ATRNL1: variants seen among roughly 807,000 people sequenced by gnomAD.
The protein encoded by ATRNL1 is attractin like 1.
In ATRNL1, 95 loss-of-function variants were observed where a neutral mutation model predicts 182.7. The ratio of observed to expected loss-of-function variants is 0.52; its 90% CI spans 0.44 to 0.62. The LOEUF is 0.62. ATRNL1 is among the 20% of genes least tolerant of loss of function. ATRNL1 has a pLI of 0.00. For synonymous variants in ATRNL1, 576 were observed against 568.3 expected (o/e 1.01, Z -0.19); for missense variants, 1,471 against 1,679.5 (o/e 0.88, Z 2.17).
rs1020410215 is a variant in ATRNL1, at chr10:115,486,103, C to T, written c.3654+16774C>T. Among the ~76,000 whole-genome samples, 9 of 151,996 alleles carry T rather than the reference C, an allele frequency of 5.9e-5. No homozygotes were observed. The East Asian group carries it at 9.6e-4, about 16-fold the overall frequency. ...TCATTTTTTATGGCTGCATAGTATT[C>T]GATGGTGTATATGTGCCACATTTTC... On this transcript the variant is annotated intron_variant, in intron 24 of 28. Transcript: ENST00000355044.
chr10:115,349,833 C>T (rs1253140912), intron 19 of ATRNL1, among the ~76,000 whole-genome samples: 3 of 151,910 alleles, frequency 2.0e-5, no homozygotes, highest in African/African-American at 7.3e-5. Context: ...TGTTTGAGCT[C>T]CTTATGTGTT....
chr10:115,291,380 G>A (rs932994481), intron 15 of ATRNL1, among the ~76,000 whole-genome samples: 32 of 152,170 alleles, frequency 2.1e-4, no homozygotes, highest in African/African-American at 6.8e-4. Context: ...GGGTATCCTT[G>A]TCTTGTTCCA....
At chr10:115,574,591 T>A (rs1555004535) in intron 26 of ATRNL1, among the ~76,000 whole-genome samples, 1 of 152,212 alleles carries the variant, frequency 6.6e-6, no homozygotes, top group African/African-American at 2.4e-5. Context: ...CTGAAATTCC[T>A]TGCTAAATGT....
At chr10:115,480,601 C>G (rs1253901368) in intron 24 of ATRNL1, among the ~76,000 whole-genome samples, 1 of 150,850 alleles carries the variant, frequency 6.6e-6, no homozygotes, top group Non-Finnish European at 1.5e-5. Flanking sequence ...AATGATATAA[C>G]AAATATGTAA....
At chr10:115,256,250 G>A (rs1851130078) in intron 10 of ATRNL1, among the ~76,000 whole-genome samples, 1 of 152,174 alleles carries the variant, frequency 6.6e-6, no homozygotes, top group Non-Finnish European at 1.5e-5. Context: ...GAATTCAGCT[G>A]TGAATCCATC....
intron 26 of ATRNL1, among the ~76,000 whole-genome samples, chr10:115,718,607 T>G (rs545085034): frequency 6.6e-6 from 1 of 152,238 alleles, no homozygotes; most frequent in Non-Finnish European, 1.5e-5. Context: ...TTGCATTATT[T>G]CTTTTATCCT....
At chr10:115,906,286 G>A (rs1288552056) in intron 28 of ATRNL1, among the ~76,000 whole-genome samples, 7 of 152,260 alleles carry the variant, frequency 4.6e-5, no homozygotes, top group Non-Finnish European at 5.9e-5. Flanking sequence ...CTGGCTTGGC[G>A]AAAGTAAAAT....
chr10:115,923,021 G>A (rs2249295), intron 28 of ATRNL1, among the ~76,000 whole-genome samples: 107,734 of 151,978 alleles, frequency 0.71, 39,975 homozygotes, highest in East Asian at 0.95. Flanking sequence ...ATGAATCAAC[G>A]TAATGTATGC....
intron 19 of ATRNL1, among the ~76,000 whole-genome samples, chr10:115,392,145 G>C (rs1844060004): frequency 6.6e-6 from 1 of 152,022 alleles, no homozygotes; most frequent in Non-Finnish European, 1.5e-5. Flanking sequence ...ATTACTAACA[G>C]TTTTACAAGC....
intron 21 of ATRNL1, among the ~76,000 whole-genome samples, chr10:115,460,352 G>A (rs1157067450): frequency 2.6e-5 from 4 of 151,636 alleles, no homozygotes; most frequent in Non-Finnish European, 4.4e-5. Context: ...AAGTTCCATC[G>A]CAGTCAAACC....
intron 20 of ATRNL1, among the ~76,000 whole-genome samples, chr10:115,400,394 A>G (rs538072518): frequency 6.6e-6 from 1 of 152,090 alleles, no homozygotes; most frequent in Non-Finnish European, 1.5e-5. Context: ...TATGCCATGC[A>G]GTGATGAGAT....
At chr10:115,341,115 G>T (rs1855734799) in intron 19 of ATRNL1, among the ~76,000 whole-genome samples, 1 of 151,644 alleles carries the variant, frequency 6.6e-6, no homozygotes, top group African/African-American at 2.4e-5. Context: ...TGCATCATTA[G>T]ATTATTTGAA....
chr10:115,809,989 T>C (rs1454049426), intron 27 of ATRNL1, among the ~76,000 whole-genome samples: 1 of 151,896 alleles, frequency 6.6e-6, no homozygotes, highest in African/African-American at 2.4e-5. Flanking sequence ...GCTGAGAAAT[T>C]TTTTTTAGGA....
intron 27 of ATRNL1, among the ~76,000 whole-genome samples, chr10:115,824,400 A>G (rs1555091337): frequency 6.6e-6 from 1 of 152,186 alleles, no homozygotes; most frequent in Non-Finnish European, 1.5e-5. Flanking sequence ...ACCAAAAGCA[A>G]TGGCAACAAA....
rs1849909249 is a variant in ATRNL1, at chr10:115,230,908, AGAGAG to A, written c.1533-10662_1533-10658del. Among the ~76,000 whole-genome samples the A allele has an allele frequency of 7.8e-3, 1,141 of 146,488 alleles. 28 individuals carry two copies. Among genetic ancestry groups the A allele is most frequent in the African/African-American group, 0.029 (1,089 of 37,994 alleles). The stretch of plus-strand genomic sequence containing the variant: ...GAGAGAGAGAGAGAGAGAGAGAGAG[AGAGAG>A]AGAGAGAGAAAGAGAGAAATAGTGA... On this transcript the variant is annotated intron_variant, in intron 9 of 28. Coordinates refer to ENST00000355044, the MANE Select transcript of ATRNL1 (RefSeq NM_207303.4).
chr10:115,346,485 C>T (rs1014885235), intron 19 of ATRNL1, among the ~76,000 whole-genome samples: 1 of 152,130 alleles, frequency 6.6e-6, no homozygotes, highest in Non-Finnish European at 1.5e-5. Flanking sequence ...TGTATTAGTA[C>T]ATTCACAATG....
At chr10:115,536,264 C>G (rs1000375660) in intron 25 of ATRNL1, among the ~76,000 whole-genome samples, 1 of 152,156 alleles carries the variant, frequency 6.6e-6, no homozygotes, top group Non-Finnish European at 1.5e-5. Context: ...TGGGCTCCAC[C>G]CAGTTCAAGC....
At chr10:115,129,910 C>G (rs1247082965) in intron 5 of ATRNL1, among the ~76,000 whole-genome samples, 3 of 152,156 alleles carry the variant, frequency 2.0e-5, no homozygotes, top group East Asian at 3.9e-4. Context: ...TAGTATACTA[C>G]AAAAATAAAT....
chr10:115,215,367 C>T (rs537928130), intron 8 of ATRNL1, among the ~76,000 whole-genome samples: 1 of 152,012 alleles, frequency 6.6e-6, no homozygotes, highest in Non-Finnish European at 1.5e-5. Flanking sequence ...ATAGTAGGCT[C>T]TCAAAATATT....
Sources: allele counts gnomAD v4.1 joint callset (sites outside exome capture counted in the v4.1 genomes callset), GRCh38; gene constraint gnomAD v4.1.1; transcripts MANE v1.5; gene names NCBI Gene and HGNC (gene_info 2026-07-23, HGNC 2026-07-21).